The following PTCHD4 variants were observed in gnomAD, a reference collection of about 807,000 sequenced individuals.
PTCHD4 encodes patched domain containing 4.
A neutral mutation model predicts 58.1 loss-of-function variants in PTCHD4; 33 were observed. That is an observed-to-expected ratio of 0.57 (90% CI 0.43 to 0.76). The LOEUF (loss-of-function observed/expected upper bound fraction) is 0.76, where lower values mean the gene tolerates loss of function less well. Among genes scored for constraint, PTCHD4 ranks in the 30% least tolerant of loss-of-function variants. The probability of loss-of-function intolerance (pLI) is 0.00; values close to 1 mark genes in which losing one functional copy is unlikely to be tolerated. For missense variants in PTCHD4, 1,058 were observed against 1,027.1 expected (o/e 1.03, Z -0.41); for synonymous variants, 478 against 409.6 (o/e 1.17, Z -2.02).
At chr6:48,054,084 T>C (rs183411050) in intron 3 of PTCHD4, among the ~76,000 whole-genome samples, 1 of 152,288 alleles carries the variant, frequency 6.6e-6, no homozygotes, top group Admixed American at 6.5e-5. Flanking sequence ...TCAAGGATCT[T>C]GAAAAACACC....
At chr6:48,042,442 C>T (rs1429206248) in intron 3 of PTCHD4, among the ~76,000 whole-genome samples, 2 of 151,918 alleles carry the variant, frequency 1.3e-5, no homozygotes, top group Non-Finnish European at 2.9e-5. Context: ...CAATACAACA[C>T]AATATAATAC....
At position 48,060,996 on chromosome 6, in the gene PTCHD4, A is replaced by C. The variant is rs574562807; in HGVS notation, c.417+7234T>G. On this transcript the variant is annotated intron_variant, in intron 3 of 4. Transcript: ENST00000339488. ...CTTGATTTCAGTGAGAGGCTCTTCC[A>C]TAATAATCCTGTCTGAAGAAAGCAT... 2.0e-5 allele frequency among the ~76,000 whole-genome samples: 3 copies of C among 152,364 alleles called. No individual in the cohort carries two copies. In the East Asian group the frequency reaches 5.8e-4, roughly 29 times the overall value.
chr6:48,068,284 A>T lies in PTCHD4; in HGVS notation c.363T>A (p.Ile121=). Reference sequence around the variant, plus strand: ...GCAGGATCCCCTCAGCCTGGAGCAAAATATTGTCCCCGGTTGGGGAGAGGA... The same window carrying T: ...GCAGGATCCCCTCAGCCTGGAGCAATATATTGTCCCCGGTTGGGGAGAGGA... ...VILLSPTGDN[I]LLQAEGILQT... Residue 121 remains isoleucine (I), a synonymous_variant, in exon 3 of 5, where the codon ATT becomes ATA. Transcript: ENST00000339488. The surrounding 1 kb of genome is among the most constrained non-coding windows in gnomAD (Gnocchi z 4.2). The T allele has an allele frequency of 6.2e-7, 1 of 1,609,186 alleles. No homozygotes were observed. The highest frequency in any genetic ancestry group is 8.5e-7 in the Non-Finnish European group (1 of 1,176,386).
intron 3 of PTCHD4, among the ~76,000 whole-genome samples, chr6:48,022,229 C>A (rs752593142): frequency 6.6e-6 from 1 of 151,380 alleles, no homozygotes; most frequent in African/African-American, 2.4e-5. Context: ...CCCTTTCTCC[C>A]TGTTTTCCTC....
intron 4 of PTCHD4, among the ~76,000 whole-genome samples, chr6:47,926,587 C>A (rs1004364338): frequency 6.6e-6 from 1 of 152,138 alleles, no homozygotes; most frequent in Non-Finnish European, 1.5e-5. Context: ...TTCATAAGCA[C>A]ATTATAGGCT....
intron 4 of PTCHD4, among the ~76,000 whole-genome samples, chr6:47,976,748 G>A (rs1473298462): frequency 2.0e-5 from 3 of 151,180 alleles, no homozygotes; most frequent in Non-Finnish European, 4.4e-5. Context: ...CTTAAAAATG[G>A]GAAAGAATAT....
chr6:48,106,899 T>A (rs530747960), intron 1 of PTCHD4, among the ~76,000 whole-genome samples: 1 of 152,292 alleles, frequency 6.6e-6, no homozygotes, highest in South Asian at 2.1e-4. Context: ...ACAAGGGGCA[T>A]GAAGGACCTC....
chr6:47,885,296 A>G (rs994103019), intron 4 of PTCHD4, among the ~76,000 whole-genome samples: 55 of 152,126 alleles, frequency 3.6e-4, no homozygotes, highest in African/African-American at 6.5e-4. Flanking sequence ...TGAGTACTCC[A>G]CAAGTCTGAT....
At chr6:47,960,264 C>T (rs1056678917) in intron 4 of PTCHD4, among the ~76,000 whole-genome samples, 5 of 152,066 alleles carry the variant, frequency 3.3e-5, no homozygotes, top group Middle Eastern at 3.4e-3. Flanking sequence ...ATAACAAAAG[C>T]ACTCTATATA....
At chr6:47,902,033 GAA>G (rs1764725573) in intron 4 of PTCHD4, 2 of 700,996 alleles carry the variant, frequency 2.9e-6, no homozygotes, top group African/African-American at 3.7e-5. Flanking sequence ...CTGGGGAACT[GAA>G]GAGTTATCAC....
chr6:48,019,700 C>T (rs1315221531), intron 3 of PTCHD4, among the ~76,000 whole-genome samples: 1 of 150,880 alleles, frequency 6.6e-6, no homozygotes, highest in African/African-American at 2.4e-5. Context: ...GGCACCACTG[C>T]ACTCCAGCCT....
intron 1 of PTCHD4, among the ~76,000 whole-genome samples, chr6:48,098,514 T>C (rs1291089749): frequency 6.6e-6 from 1 of 152,032 alleles, no homozygotes; most frequent in Non-Finnish European, 1.5e-5. Context: ...AATTTTTGTA[T>C]TTTTAGTAGA....
At chr6:47,985,132 T>C (rs1324474850) in intron 4 of PTCHD4, among the ~76,000 whole-genome samples, 1 of 152,194 alleles carries the variant, frequency 6.6e-6, no homozygotes, top group Non-Finnish European at 1.5e-5. Flanking sequence ...GGAATTATTC[T>C]AAGAAGCTAA....
At chr6:48,037,629 G>A (rs1763686269) in intron 3 of PTCHD4, among the ~76,000 whole-genome samples, 1 of 152,066 alleles carries the variant, frequency 6.6e-6, no homozygotes, top group Non-Finnish European at 1.5e-5. Flanking sequence ...CAGAATTTAT[G>A]ACATGTAACT....
chr6:47,914,782 A>ATCTT (rs1307607353), intron 4 of PTCHD4, among the ~76,000 whole-genome samples: 1 of 148,896 alleles, frequency 6.7e-6, no homozygotes, highest in African/African-American at 2.6e-5. Context: ...CTATCTATCT[A>ATCTT]TCTATCTATA....
At chr6:47,977,841 G>A (rs926887871) in intron 4 of PTCHD4, among the ~76,000 whole-genome samples, 1 of 151,950 alleles carries the variant, frequency 6.6e-6, no homozygotes, top group Non-Finnish European at 1.5e-5. Flanking sequence ...GACATTAAAA[G>A]ACAAAAGAAA....
At chr6:47,980,563 A>G (rs1767848437) in intron 4 of PTCHD4, among the ~76,000 whole-genome samples, 1 of 152,078 alleles carries the variant, frequency 6.6e-6, no homozygotes, top group Admixed American at 6.6e-5. Flanking sequence ...TCTAATATCA[A>G]TGATAGTTAT....
At chr6:47,998,789 C>T (rs916726049) in intron 4 of PTCHD4, among the ~76,000 whole-genome samples, 3 of 152,144 alleles carry the variant, frequency 2.0e-5, no homozygotes, top group Non-Finnish European at 4.4e-5. Context: ...GACAATGTCT[C>T]ACTTCATTAG....
intron 3 of PTCHD4, among the ~76,000 whole-genome samples, chr6:48,031,403 C>T (rs1011419605): frequency 6.6e-6 from 1 of 152,132 alleles, no homozygotes; most frequent in African/African-American, 2.4e-5. Flanking sequence ...TCTCTCTCCC[C>T]TGCTGCAAGA....
Sources: allele counts gnomAD v4.1 joint callset (sites outside exome capture counted in the v4.1 genomes callset), GRCh38; gene constraint gnomAD v4.1.1; non-coding constraint Gnocchi (gnomAD v3.1); transcripts MANE v1.5; gene names NCBI Gene and HGNC (gene_info 2026-07-23, HGNC 2026-07-21).